Variants in MLLT3 observed in about 807,000 individuals in gnomAD.
The protein encoded by MLLT3 is protein AF-9.
Under a neutral mutation model 53.2 loss-of-function variants are expected in MLLT3, and 4 were observed. The observed-to-expected ratio is 0.08, with a 90% confidence interval of 0.04 to 0.17. The LOEUF is 0.17. MLLT3 is among the 10% of genes least tolerant of loss of function. The pLI is 1.00. For synonymous variants in MLLT3, 283 were observed against 230.6 expected (o/e 1.23, Z -2.06); for missense variants, 569 against 684.0 (o/e 0.83, Z 1.87).
intron 7 of MLLT3, among the ~76,000 whole-genome samples, chr9:20,361,698 G>C (rs1297721906): frequency 1.3e-5 from 2 of 152,048 alleles, no homozygotes; most frequent in Non-Finnish European, 2.9e-5. Flanking sequence ...GAAGAAAATG[G>C]AATTTTCTTT....
chr9:20,413,877 G>C lies in MLLT3; in HGVS notation c.969C>G (p.Asp323Glu), dbSNP rs549653424. ...GAGATTTATCTTTTATCTGTTTTTT[G>C]TCAGCAGAACAAGTGAGTATCAGTG... ...APPLILTCSA[D>E]KKQIKDKSHV... The change falls in exon 5 of 11, where the codon GAC becomes GAG. Residue 323 changes from aspartate (D) to glutamate (E), a missense_variant. By Grantham distance (45) the Asp-to-Glu change is conservative (BLOSUM62 2). This residue lies in a region of MLLT3 where 437 missense variants were observed against 376.5 expected (regional missense o/e 1.16). Transcript: ENST00000380338. 3.1e-6 allele frequency: 5 copies of C among 1,613,678 alleles called. No individual in the cohort carries two copies. The highest frequency in any genetic ancestry group is 3.3e-5 in the Admixed American group (2 of 59,930).
At chr9:20,536,850 GAA>G (rs533826972) in intron 2 of MLLT3, among the ~76,000 whole-genome samples, 1 of 117,914 alleles carries the variant, frequency 8.5e-6, no homozygotes, top group Admixed American at 8.6e-5. Flanking sequence ...TGTTTAACTA[GAA>G]AAAAAAAAAA....
chr9:20,480,703 A>G (rs1195599989), intron 2 of MLLT3, among the ~76,000 whole-genome samples: 1 of 152,198 alleles, frequency 6.6e-6, no homozygotes, highest in East Asian at 1.9e-4. Context: ...ATTAATATTC[A>G]TAGAGCACTA....
intron 2 of MLLT3, among the ~76,000 whole-genome samples, chr9:20,515,468 A>T (rs978677062): frequency 6.6e-6 from 1 of 152,002 alleles, no homozygotes; most frequent in Non-Finnish European, 1.5e-5. Context: ...TGAAGCCAAC[A>T]CCATTTTTAG....
At chr9:20,453,005 A>G (rs1222360330) in intron 3 of MLLT3, among the ~76,000 whole-genome samples, 1 of 152,208 alleles carries the variant, frequency 6.6e-6, no homozygotes, top group Non-Finnish European at 1.5e-5. Context: ...TTAAGAAACT[A>G]TATCTCACAT....
chr9:20,474,109 T>C (rs1179705792), intron 2 of MLLT3, among the ~76,000 whole-genome samples: 2 of 152,134 alleles, frequency 1.3e-5, no homozygotes. Flanking sequence ...AGTGTCTTTT[T>C]CGGTCTCTTG....
chr9:20,612,487 A>C (rs538405577), intron 2 of MLLT3, among the ~76,000 whole-genome samples: 1 of 152,288 alleles, frequency 6.6e-6, no homozygotes, highest in East Asian at 1.9e-4. Context: ...AAAGCACATC[A>C]GTTTGACAAA....
chr9:20,468,412 C>A (rs1366402557), intron 2 of MLLT3, among the ~76,000 whole-genome samples: 3 of 152,148 alleles, frequency 2.0e-5, no homozygotes, highest in South Asian at 4.1e-4. Flanking sequence ...ACTAAAGGTA[C>A]TATTAGCAGT....
At chr9:20,574,961 C>T (rs1324469670) in intron 2 of MLLT3, among the ~76,000 whole-genome samples, 1 of 152,174 alleles carries the variant, frequency 6.6e-6, no homozygotes, top group Non-Finnish European at 1.5e-5. Context: ...ATGTTCAAAG[C>T]GTCTTCACCA....
chr9:20,616,555 T>A (rs138220042), intron 2 of MLLT3, among the ~76,000 whole-genome samples: 2 of 152,122 alleles, frequency 1.3e-5, no homozygotes, highest in African/African-American at 4.8e-5. Context: ...AAACTACTAG[T>A]AAGAGTTTGA....
chr9:20,470,529 G>A (rs1824362958), intron 2 of MLLT3, among the ~76,000 whole-genome samples: 1 of 151,984 alleles, frequency 6.6e-6, no homozygotes, highest in Non-Finnish European at 1.5e-5. Context: ...CTATGTCAAT[G>A]CCATGCCCAG....
chr9:20,568,634 G>T (rs540287008), intron 2 of MLLT3, among the ~76,000 whole-genome samples: 1 of 152,166 alleles, frequency 6.6e-6, no homozygotes, highest in Admixed American at 6.5e-5. Flanking sequence ...AGTTTCCAGT[G>T]AGGATGTAAC....
chr9:20,564,978 G>A (rs543276600), intron 2 of MLLT3, among the ~76,000 whole-genome samples: 5 of 152,160 alleles, frequency 3.3e-5, no homozygotes, highest in African/African-American at 7.2e-5. Context: ...CAGCTTACAC[G>A]TCTTCCATTT....
intron 2 of MLLT3, among the ~76,000 whole-genome samples, chr9:20,573,178 T>G (rs1044321416): frequency 3.2e-4 from 29 of 90,560 alleles, no homozygotes; most frequent in Non-Finnish European, 5.0e-4. Context: ...TGTTTGTTTT[T>G]TTTTGTTTTG....
In MLLT3 at chr9:20,620,676, T is replaced by A. The variant is rs1040817224; in HGVS notation, c.171A>T (p.Glu57Asp). The change falls in exon 2 of 11, where the codon GAA becomes GAT. Residue 57 changes from glutamate (E) to aspartate (D), a missense_variant. Transcript: ENST00000380338. This position sits in a 1 kb window ranked among gnomAD's most constrained non-coding sequence, Gnocchi z 6.1. ...FVEKVVFHLH[E>D]SFPRPKRVCK... ...TACCTCTTTTTGGCCTAGGAAAGCTTTCGTGCAAGTGGAAGACGACTTTCT... is the reference window on the plus strand; with the variant it reads ...TACCTCTTTTTGGCCTAGGAAAGCTATCGTGCAAGTGGAAGACGACTTTCT... 5 of 1,613,858 alleles carry A rather than the reference T, an allele frequency of 3.1e-6. No homozygotes were observed. Among genetic ancestry groups the A allele is most frequent in the Non-Finnish European group, 4.2e-6 (5 of 1,179,922 alleles).
chr9:20,393,814 T>C (rs924399359), intron 5 of MLLT3, among the ~76,000 whole-genome samples: 13 of 152,164 alleles, frequency 8.5e-5, no homozygotes, highest in African/African-American at 2.9e-4. Context: ...TTTAAGAGCA[T>C]AGAAAACTAA....
At chr9:20,471,131 A>G (rs1824381018) in intron 2 of MLLT3, among the ~76,000 whole-genome samples, 1 of 152,054 alleles carries the variant, frequency 6.6e-6, no homozygotes, top group Non-Finnish European at 1.5e-5. Flanking sequence ...CTCAGAGGTC[A>G]GTGAGTTAAT....
chr9:20,474,090 T>A (rs1824462413), intron 2 of MLLT3, among the ~76,000 whole-genome samples: 1 of 152,098 alleles, frequency 6.6e-6, no homozygotes, highest in African/African-American at 2.4e-5. Flanking sequence ...TTTCCAAGTG[T>A]CGGCTGGGAG....
At chr9:20,537,009 C>T (rs1818506393) in intron 2 of MLLT3, among the ~76,000 whole-genome samples, 2 of 152,338 alleles carry the variant, frequency 1.3e-5, no homozygotes, top group South Asian at 2.1e-4. Context: ...GAAACACAAA[C>T]ATCCAGGACC....
Sources: allele counts gnomAD v4.1 joint callset (sites outside exome capture counted in the v4.1 genomes callset), GRCh38; gene constraint gnomAD v4.1.1; regional missense constraint gnomAD v4.1.1; non-coding constraint Gnocchi (gnomAD v3.1); transcripts MANE v1.5; gene names NCBI Gene and HGNC (gene_info 2026-07-23, HGNC 2026-07-21).